The following DPP10 variants were observed in gnomAD, a reference collection of about 807,000 sequenced individuals.
DPP10 encodes the protein inactive dipeptidyl peptidase 10.
A neutral mutation model predicts 120.9 loss-of-function variants in DPP10; 33 were observed. The observed-to-expected ratio is 0.27, with a 90% CI of 0.21 to 0.37. The LOEUF (loss-of-function observed/expected upper bound fraction) is 0.37, where lower values mean the gene tolerates loss of function less well. Ranked by LOEUF, DPP10 falls within the 10% of genes least tolerant of loss-of-function variation. The probability of loss-of-function intolerance (pLI) is 1.00; values close to 1 mark genes in which losing one functional copy is unlikely to be tolerated. For synonymous variants in DPP10, 337 were observed against 326.1 expected (o/e 1.03, Z -0.36); for missense variants, 816 against 942.8 (o/e 0.87, Z 1.76).
At chr2:115,074,083 C>T (rs1474921438) in intron 1 of DPP10, among the ~76,000 whole-genome samples, 1 of 152,180 alleles carries the variant, frequency 6.6e-6, no homozygotes, top group Non-Finnish European at 1.5e-5. Flanking sequence ...GCAATCATAG[C>T]TCAGTATAAC....
intron 1 of DPP10, among the ~76,000 whole-genome samples, chr2:115,114,287 A>T (rs2049385001): frequency 6.6e-6 from 1 of 152,212 alleles, no homozygotes. Context: ...CAAACAAAAC[A>T]TTAAATTTGG....
intron 1 of DPP10, among the ~76,000 whole-genome samples, chr2:114,672,044 C>T (rs1369323310): frequency 6.6e-6 from 1 of 151,952 alleles, no homozygotes; most frequent in Non-Finnish European, 1.5e-5. Context: ...TCTAAGTTTT[C>T]CTCATGGTGC....
chr2:115,739,911 A>C lies in DPP10; in HGVS notation c.852+18A>C, dbSNP rs1320101744. On this transcript the variant is annotated intron_variant, in intron 9 of 25. Transcript: ENST00000410059. Reference sequence around the variant, plus strand: ...ATCCTAAGGTAAGTAACATGGAAGTACTATTTTGTTCCTTCTCTCTCTCTG... The same window carrying C: ...ATCCTAAGGTAAGTAACATGGAAGTCCTATTTTGTTCCTTCTCTCTCTCTG... 16 of 1,611,518 alleles carry C rather than the reference A, an allele frequency of 9.9e-6. No homozygotes were observed. The highest frequency in any genetic ancestry group is 1.4e-5 in the Non-Finnish European group (16 of 1,178,058).
chr2:115,348,482 A>G (rs1016118227), intron 3 of DPP10, among the ~76,000 whole-genome samples: 3 of 151,930 alleles, frequency 2.0e-5, no homozygotes, highest in Non-Finnish European at 4.4e-5. Context: ...ATGTGTTTAC[A>G]TAGTTTTTTT....
rs1031124941 is a variant in DPP10 at position 115,232,462 on chromosome 2, T to C, written c.61-76777T>C. 2.0e-5 allele frequency among the ~76,000 whole-genome samples: 3 copies of C among 152,218 alleles called. No homozygotes were observed. The East Asian group carries it at 5.8e-4, about 29-fold the overall frequency. ...GTTTAATTATTTTGCTTACAATGTT[T>C]CACTGACCATAGGTTTTGAACTTAT... On this transcript the variant is annotated intron_variant, in intron 1 of 25. Coordinates refer to ENST00000410059, the MANE Select transcript of DPP10 (RefSeq NM_020868.6).
At chr2:115,807,725 G>T (rs1013640253) in intron 19 of DPP10, among the ~76,000 whole-genome samples, 2 of 151,770 alleles carry the variant, frequency 1.3e-5, no homozygotes, top group African/African-American at 4.8e-5. Flanking sequence ...TAGGAGGAAG[G>T]CTAGGGGAGA....
At chr2:115,688,438 TATA>T (rs905352677) in intron 5 of DPP10, among the ~76,000 whole-genome samples, 1 of 152,178 alleles carries the variant, frequency 6.6e-6, no homozygotes, top group African/African-American at 2.4e-5. Context: ...TTGACAGTAT[TATA>T]ATATTTGTGC....
chr2:115,547,480 A>C (rs2079582331), intron 5 of DPP10, among the ~76,000 whole-genome samples: 2 of 152,204 alleles, frequency 1.3e-5, no homozygotes, highest in South Asian at 2.1e-4. Context: ...ACTTTTCTTA[A>C]AATGGCTTAT....
chr2:114,952,447 C>T lies in DPP10; in HGVS notation c.61-356792C>T, dbSNP rs77682700. 2.0e-4 allele frequency among the ~76,000 whole-genome samples: 30 copies of T among 152,176 alleles called. 1 individual carries two copies. In the East Asian group the frequency reaches 5.6e-3, roughly 28 times the overall value. ...GATGTGTTAGGATGTGCAGTAGCCA[C>T]GTGGATTGATAGTTGGGTTCTAGAC... is the stretch of plus-strand genomic sequence containing the variant. On this transcript the variant is annotated intron_variant, in intron 1 of 25. Transcript: ENST00000410059.
intron 3 of DPP10, among the ~76,000 whole-genome samples, chr2:115,375,156 C>T (rs1430428526): frequency 6.6e-6 from 1 of 152,132 alleles, no homozygotes; most frequent in Non-Finnish European, 1.5e-5. Flanking sequence ...AATTTCAGAC[C>T]ATCTCTCAGG....
chr2:115,533,339 A>G (rs1331114085), intron 5 of DPP10, among the ~76,000 whole-genome samples: 1 of 152,072 alleles, frequency 6.6e-6, no homozygotes, highest in African/African-American at 2.4e-5. Flanking sequence ...TACATCTGCT[A>G]TGTTAGTAGT....
At chr2:115,725,891 T>C (rs2092755358) in intron 7 of DPP10, among the ~76,000 whole-genome samples, 1 of 152,208 alleles carries the variant, frequency 6.6e-6, no homozygotes, top group Non-Finnish European at 1.5e-5. Flanking sequence ...GTAAAGCTTA[T>C]GCTTTAGTTG....
chr2:115,790,757 G>A (rs529659901), intron 17 of DPP10, among the ~76,000 whole-genome samples: 1 of 152,064 alleles, frequency 6.6e-6, no homozygotes, highest in Non-Finnish European at 1.5e-5. Context: ...ATTGGTATAG[G>A]TACCTAGGTA....
chr2:115,593,297 T>C (rs1185011296), intron 5 of DPP10, among the ~76,000 whole-genome samples: 1 of 152,174 alleles, frequency 6.6e-6, no homozygotes, highest in Non-Finnish European at 1.5e-5. Context: ...CATGGCACGG[T>C]GCCTCTATAG....
At chr2:114,946,220 C>T (rs905941826) in intron 1 of DPP10, among the ~76,000 whole-genome samples, 1 of 152,106 alleles carries the variant, frequency 6.6e-6, no homozygotes, top group Admixed American at 6.5e-5. Flanking sequence ...TTAATTGTAG[C>T]AAATGTACCA....
At position 115,686,634 on chromosome 2, in the gene DPP10, A is replaced by T. The variant is rs116741922; in HGVS notation, c.442-3053A>T. ...GTATAATATAGAGATGATGGGTACC[A>T]GATTGGATTACATGATCTTTTGATG... On this transcript the variant is annotated intron_variant, in intron 5 of 25. Coordinates refer to ENST00000410059, the MANE Select transcript of DPP10 (RefSeq NM_020868.6). Among the ~76,000 whole-genome samples, 357 of 152,178 alleles carry T rather than the reference A, an allele frequency of 2.3e-3. 2 individuals are homozygous for T. The highest frequency in any genetic ancestry group is 8.4e-3 in the African/African-American group (348 of 41,554).
At chr2:115,084,697 G>A (rs915224730) in intron 1 of DPP10, among the ~76,000 whole-genome samples, 3 of 152,178 alleles carry the variant, frequency 2.0e-5, no homozygotes, top group Admixed American at 6.5e-5. Flanking sequence ...AGAAAACAAC[G>A]GAGGGACACT....
intron 1 of DPP10, among the ~76,000 whole-genome samples, chr2:114,608,244 G>A (rs1046002865): frequency 2.5e-5 from 2 of 81,090 alleles, no homozygotes; most frequent in East Asian, 3.9e-4. Context: ...AGATAACCAG[G>A]TGGTTTGGAT....
At chr2:115,324,555 G>A (rs1054416914) in intron 2 of DPP10, among the ~76,000 whole-genome samples, 3 of 152,174 alleles carry the variant, frequency 2.0e-5, no homozygotes, top group Non-Finnish European at 4.4e-5. Context: ...ATTGAAGAGA[G>A]TTAGGACCTT....
Sources: allele counts gnomAD v4.1 joint callset (sites outside exome capture counted in the v4.1 genomes callset), GRCh38; gene constraint gnomAD v4.1.1; transcripts MANE v1.5; gene names NCBI Gene and HGNC (gene_info 2026-07-23, HGNC 2026-07-21).